Variants in FBXL20 observed in about 807,000 individuals in gnomAD.
The protein encoded by FBXL20 is F-box/LRR-repeat protein 20.
In FBXL20, 11 loss-of-function variants were observed where a neutral mutation model predicts 64.0. The observed-to-expected ratio is 0.17, with a 90% CI of 0.11 to 0.28. The LOEUF is 0.28. Among genes scored for constraint, FBXL20 ranks in the 10% least tolerant of loss-of-function variants. FBXL20 has a pLI of 1.00. For synonymous variants in FBXL20, 184 were observed against 189.0 expected, an observed-to-expected ratio of 0.97 and a Z score of 0.22; for missense variants, 303 against 526.2, an observed-to-expected ratio of 0.58 and a Z score of 4.15.
intron 2 of FBXL20, among the ~76,000 whole-genome samples, chr17:39,323,038 C>T (rs1055494636): frequency 1.3e-5 from 2 of 150,924 alleles, no homozygotes; most frequent in African/African-American, 4.9e-5. Context: ...GGCACAATCT[C>T]GGCTCACTGC....
chr17:39,337,456 G>A (rs373459672), intron 2 of FBXL20, among the ~76,000 whole-genome samples: 28,360 of 151,276 alleles, frequency 0.19, 2,639 homozygotes, highest in African/African-American at 0.24. Flanking sequence ...CATCGTCTGG[G>A]ATGTGAGGAG....
chr17:39,393,421 A>T (rs888076423), intron 1 of FBXL20, among the ~76,000 whole-genome samples: 2 of 152,176 alleles, frequency 1.3e-5, no homozygotes, highest in African/African-American at 4.8e-5. Flanking sequence ...AGTGGTTACT[A>T]CATTTGATTA....
chr17:39,284,572 C>T (rs1467569879), intron 7 of FBXL20, among the ~76,000 whole-genome samples: 2 of 151,858 alleles, frequency 1.3e-5, no homozygotes, highest in Admixed American at 6.6e-5. Flanking sequence ...TTAGTAGAGA[C>T]AGGGTTTCCC....
At chr17:39,394,882 G>A (rs1251718471) in intron 1 of FBXL20, among the ~76,000 whole-genome samples, 7 of 151,926 alleles carry the variant, frequency 4.6e-5, no homozygotes, top group Non-Finnish European at 2.9e-5. Context: ...GGCCAGATAC[G>A]GAAATTTTTA....
At chr17:39,315,866 A>AGAGAGAGAGAGC (rs1167410862) in intron 2 of FBXL20, among the ~76,000 whole-genome samples, 49 of 132,730 alleles carry the variant, frequency 3.7e-4, no homozygotes, top group Non-Finnish European at 6.0e-4. Flanking sequence ...AGAGAGAGAG[A>AGAGAGAGAGAGC]GAGAGCAACT....
At chr17:39,356,812 C>T (rs2047745689) in intron 1 of FBXL20, among the ~76,000 whole-genome samples, 1 of 140,090 alleles carries the variant, frequency 7.1e-6, no homozygotes, top group African/African-American at 3.0e-5. Flanking sequence ...CGTGCCACCA[C>T]ACCTGGCTAA....
chr17:39,276,632 G>A (rs1567860194), intron 9 of FBXL20, among the ~76,000 whole-genome samples: 1 of 152,040 alleles, frequency 6.6e-6, no homozygotes, highest in Admixed American at 6.5e-5. Context: ...TTGTGCCACT[G>A]CACTCCAGCC....
chr17:39,286,771 C>T (rs1267430814), intron 6 of FBXL20, among the ~76,000 whole-genome samples: 2 of 151,914 alleles, frequency 1.3e-5, no homozygotes, highest in African/African-American at 2.4e-5. Context: ...GCACTCCAGC[C>T]TGGGCAACAA....
chr17:39,297,938 T>C (rs888035309), intron 5 of FBXL20, among the ~76,000 whole-genome samples: 5 of 152,116 alleles, frequency 3.3e-5, no homozygotes, highest in African/African-American at 1.2e-4. Context: ...GGTTTCACCA[T>C]GTTGGTCAGG....
intron 1 of FBXL20, among the ~76,000 whole-genome samples, chr17:39,360,195 G>C (rs2047781011): frequency 1.3e-5 from 2 of 152,152 alleles, no homozygotes; most frequent in South Asian, 4.1e-4. Flanking sequence ...AAATTCATAA[G>C]AGAAAGGATA....
chr17:39,319,552 G>A lies in FBXL20; in HGVS notation c.105-15913C>T, dbSNP rs546062647. Among the ~76,000 whole-genome samples the A allele has an allele frequency of 9.2e-4, 139 of 151,880 alleles. 2 individuals are homozygous for A. The highest frequency in any genetic ancestry group is 1.8e-3 in the Non-Finnish European group (121 of 67,984). On this transcript the variant is annotated intron_variant, in intron 2 of 14. Coordinates refer to ENST00000264658, the MANE Select transcript of FBXL20 (RefSeq NM_032875.3). ...ATACAAAAATTAGCTGGGCGTGGTG[G>A]TAGGCACTTGTAATCCCAACTAGTC...
rs1294244955 is a variant in FBXL20 at position 39,366,186 on chromosome 17, C to T, written c.43-22945G>A. 2.6e-5 allele frequency among the ~76,000 whole-genome samples: 4 copies of T among 152,036 alleles called. No individual in the cohort carries two copies. The South Asian group carries it at 8.3e-4, about 32-fold the overall frequency. ...CACAATCTTTGTTTAAATTAAGCGT[C>T]CGTGTGAATATTTAGTATTTAGATA... On this transcript the variant is annotated intron_variant, in intron 1 of 14. Transcript: ENST00000264658.
intron 1 of FBXL20, among the ~76,000 whole-genome samples, chr17:39,383,852 A>G (rs1221394322): frequency 6.6e-6 from 1 of 151,600 alleles, no homozygotes; most frequent in East Asian, 2.0e-4. Flanking sequence ...GGCCTCCCAA[A>G]GTGCTGGGAT....
At chr17:39,336,127 A>C in intron 2 of FBXL20, among the ~76,000 whole-genome samples, 1 of 145,754 alleles carries the variant, frequency 6.9e-6, no homozygotes. Context: ...GGGGGAGGGG[A>C]GGGGAAGGGA....
At chr17:39,261,808 C>T (rs2046748182) in intron 14 of FBXL20, among the ~76,000 whole-genome samples, 1 of 151,994 alleles carries the variant, frequency 6.6e-6, no homozygotes, top group Non-Finnish European at 1.5e-5. Flanking sequence ...GAGGGCCGGG[C>T]GCGGTGGCTC....
chr17:39,317,748 C>T (rs1211787972), intron 2 of FBXL20, among the ~76,000 whole-genome samples: 1 of 137,006 alleles, frequency 7.3e-6, no homozygotes, highest in Non-Finnish European at 1.5e-5. Flanking sequence ...GTCACCCAGG[C>T]TGGAGTGCAG....
At chr17:39,316,292 T>TACAC (rs1334669398) in intron 2 of FBXL20, among the ~76,000 whole-genome samples, 19 of 126,174 alleles carry the variant, frequency 1.5e-4, no homozygotes, top group African/African-American at 5.9e-4. Context: ...TTCATCTACA[T>TACAC]ATACACACAC....
chr17:39,401,917 G>A (rs183184320), upstream of FBXL20: 32 of 416,644 alleles, frequency 7.7e-5, no homozygotes, highest in African/African-American at 5.7e-4. Context: ...GGAAAAGGGG[G>A]TCTGTGGGGC....
intron 3 of FBXL20, 84 bp downstream of exon 3, chr17:39,303,500 TA>T: frequency 2.6e-6 from 3 of 1,144,320 alleles, no homozygotes; most frequent in Non-Finnish European, 3.7e-6. Context: ...AAGTAACACC[TA>T]AAATAAATGG....
Sources: gnomAD v4.1 joint callset for allele counts (sites outside exome capture counted in the v4.1 genomes callset) on GRCh38, gnomAD v4.1.1 for gene constraint, MANE v1.5 for transcripts, NCBI Gene and HGNC (gene_info 2026-07-23, HGNC 2026-07-21) for gene names.